KAZN: variants seen among roughly 807,000 people sequenced by gnomAD.
KAZN encodes the protein kazrin.
A neutral mutation model predicts 87.4 loss-of-function variants in KAZN; 40 were observed. That is an observed-to-expected ratio of 0.46 (90% CI 0.36 to 0.60). KAZN has a LOEUF of 0.60. Among genes scored for constraint, KAZN ranks in the 20% least tolerant of loss-of-function variants. The pLI is 0.00. For synonymous variants in KAZN, 466 were observed against 458.3 expected, an observed-to-expected ratio of 1.02 and a Z score of -0.22; for missense variants, 898 against 1,073.9, an observed-to-expected ratio of 0.84 and a Z score of 2.29.
intron 1 of KAZN, among the ~76,000 whole-genome samples, chr1:14,898,549 G>C (rs1036057018): frequency 2.0e-5 from 3 of 152,172 alleles, no homozygotes; most frequent in South Asian, 2.1e-4. Flanking sequence ...AGCAAAGGGG[G>C]CCTTGGAAGG....
At chr1:13,923,677 G>A (rs748036936) in intron 1 of KAZN, among the ~76,000 whole-genome samples, 1 of 151,886 alleles carries the variant, frequency 6.6e-6, no homozygotes, top group Non-Finnish European at 1.5e-5. Context: ...CTGATGAGGA[G>A]GAGGATGAGG....
chr1:14,770,001 G>C (rs1644980173), intron 1 of KAZN, among the ~76,000 whole-genome samples: 1 of 152,200 alleles, frequency 6.6e-6, no homozygotes, highest in Non-Finnish European at 1.5e-5. Flanking sequence ...CAAGTGAACA[G>C]TGGGAGCAGG....
chr1:14,957,573 G>A (rs531396457), intron 1 of KAZN, among the ~76,000 whole-genome samples: 180 of 152,328 alleles, frequency 1.2e-3, no homozygotes, highest in Non-Finnish European at 2.1e-3. Context: ...GGTTTTGTCC[G>A]GGTTGCCTGC....
rs115597305 is a variant in KAZN, at chr1:14,795,211, T to C, written c.227-165473T>C. Reference sequence around the variant, plus strand: ...CGTTCTCCTAATAAGTTCCCCTTCATGTATTCATCTATCCTATTACTTCTG... The same window carrying C: ...CGTTCTCCTAATAAGTTCCCCTTCACGTATTCATCTATCCTATTACTTCTG... On this transcript the variant is annotated intron_variant, in intron 1 of 14. Coordinates refer to ENST00000376030, the MANE Select transcript of KAZN (RefSeq NM_201628.3). 3.3e-3 allele frequency among the ~76,000 whole-genome samples: 498 copies of C among 152,276 alleles called. 2 individuals carry two copies. The highest frequency in any genetic ancestry group is 0.011 in the African/African-American group (458 of 41,546).
chr1:14,277,247 T>TA (rs1652435213), intron 2 of KAZN, among the ~76,000 whole-genome samples: 1 of 152,188 alleles, frequency 6.6e-6, no homozygotes, highest in Admixed American at 6.5e-5. Context: ...AGCAACCCCA[T>TA]ACATCATATC....
At chr1:14,419,063 T>G (rs1665109058) in intron 2 of KAZN, among the ~76,000 whole-genome samples, 1 of 152,220 alleles carries the variant, frequency 6.6e-6, no homozygotes, top group African/African-American at 2.4e-5. Context: ...ATATTTTTAT[T>G]CCTATGTGAG....
intron 2 of KAZN, among the ~76,000 whole-genome samples, chr1:14,275,747 A>G (rs147277948): frequency 3.9e-4 from 60 of 152,306 alleles, no homozygotes; most frequent in African/African-American, 1.4e-3. Flanking sequence ...GAGCAATGCT[A>G]CCATGAGCAT....
At chr1:14,491,366 G>A (rs951661044) in intron 2 of KAZN, among the ~76,000 whole-genome samples, 3 of 152,108 alleles carry the variant, frequency 2.0e-5, no homozygotes, top group Non-Finnish European at 2.9e-5. Context: ...GGTTTGTTAC[G>A]TAGGTATAGA....
intron 4 of KAZN, among the ~76,000 whole-genome samples, chr1:15,047,281 G>C (rs1673663722): frequency 6.6e-6 from 1 of 152,220 alleles, no homozygotes; most frequent in African/African-American, 2.4e-5. Context: ...TTCACCGCCA[G>C]GCTGTGTTGC....
At chr1:15,026,744 T>G (rs1437068830) in intron 2 of KAZN, among the ~76,000 whole-genome samples, 1 of 152,118 alleles carries the variant, frequency 6.6e-6, no homozygotes, top group Non-Finnish European at 1.5e-5. Flanking sequence ...AATGGATAGT[T>G]GTGCCTGTAC....
At chr1:14,274,315 C>G (rs1652182468) in intron 2 of KAZN, among the ~76,000 whole-genome samples, 1 of 152,180 alleles carries the variant, frequency 6.6e-6, no homozygotes, top group Non-Finnish European at 1.5e-5. Context: ...TTTTGTATCT[C>G]TGGTCTACTG....
At chr1:14,087,994 GTT>G (rs372871125) in intron 1 of KAZN, among the ~76,000 whole-genome samples, 1 of 134,992 alleles carries the variant, frequency 7.4e-6, no homozygotes, top group African/African-American at 2.7e-5. Context: ...CCCTCTTGCT[GTT>G]TTTTTTTTTT....
chr1:14,189,079 A>G (rs942034585), intron 2 of KAZN, among the ~76,000 whole-genome samples: 1 of 152,196 alleles, frequency 6.6e-6, no homozygotes, highest in East Asian at 1.9e-4. Context: ...CTGGGAATAC[A>G]GCCAGTAAGA....
At chr1:13,918,766 A>G (rs1428935413) in intron 1 of KAZN, among the ~76,000 whole-genome samples, 1 of 152,236 alleles carries the variant, frequency 6.6e-6, no homozygotes, top group Non-Finnish European at 1.5e-5. Context: ...TCAACATCAA[A>G]GCAGGAGTAC....
At position 14,373,195 on chromosome 1, in the gene KAZN, CTG is replaced by C. The variant is rs544656020; in HGVS notation, c.249+192604_249+192605del. 2.4e-3 allele frequency among the ~76,000 whole-genome samples: 254 copies of C among 107,314 alleles called. 1 individual carries two copies. Among genetic ancestry groups the C allele is most frequent in the African/African-American group, 8.0e-3 (217 of 26,958 alleles). The allele number at this position is 107,314 out of a possible 152,430, so 70.4% of individuals were successfully genotyped here. A position where few individuals can be genotyped will look rare whatever the true frequency, so the allele number is the denominator to read the frequency against. The stretch of plus-strand genomic sequence containing the variant: ...TATTTGTTAGGGTTCTCCTGAAAAA[CTG>C]AATATATATATATATATATATATAT... On this transcript the variant is annotated intron_variant, in intron 2 of 16. Coordinates refer to the KAZN transcript ENST00000636203.
intron 8 of KAZN, among the ~76,000 whole-genome samples, chr1:15,082,471 A>C (rs1234635402): frequency 6.6e-6 from 1 of 152,130 alleles, no homozygotes; most frequent in Non-Finnish European, 1.5e-5. Flanking sequence ...CTGGGTATAG[A>C]CTCAAAATTT....
chr1:14,793,848 G>C (rs1645752357), intron 1 of KAZN, among the ~76,000 whole-genome samples: 1 of 152,190 alleles, frequency 6.6e-6, no homozygotes, highest in African/African-American at 2.4e-5. Flanking sequence ...AATCACACTT[G>C]TGTGCCTTCC....
intron 2 of KAZN, among the ~76,000 whole-genome samples, chr1:14,964,312 G>A (rs1264226319): frequency 6.6e-6 from 1 of 152,178 alleles, no homozygotes; most frequent in Non-Finnish European, 1.5e-5. Context: ...TTGTTGTGAA[G>A]ATTGAGGTGT....
intron 1 of KAZN, among the ~76,000 whole-genome samples, chr1:14,768,609 G>T (rs77806373): frequency 2.0e-4 from 30 of 152,272 alleles, no homozygotes; most frequent in Non-Finnish European, 3.5e-4. Flanking sequence ...GTGACCCCCT[G>T]GAGTGAGGGC....
Sources: allele counts gnomAD v4.1 joint callset (sites outside exome capture counted in the v4.1 genomes callset), GRCh38; gene constraint gnomAD v4.1.1; transcripts MANE v1.5; gene names NCBI Gene and HGNC (gene_info 2026-07-23, HGNC 2026-07-21).